Variants in ROBO2 observed in about 807,000 individuals in gnomAD.
ROBO2 encodes roundabout guidance receptor 2.
A neutral mutation model predicts 160.8 loss-of-function variants in ROBO2; 53 were observed. The ratio of observed to expected loss-of-function variants is 0.33; its 90% confidence interval spans 0.26 to 0.41. The LOEUF (loss-of-function observed/expected upper bound fraction) is 0.41. ROBO2 is among the 10% of genes least tolerant of loss of function. ROBO2 has a pLI of 1.00. For synonymous variants in ROBO2, 664 were observed against 611.7 expected, an observed-to-expected ratio of 1.09 and a Z score of -1.26; for missense variants, 1,577 against 1,722.4, an observed-to-expected ratio of 0.92 and a Z score of 1.49.
chr3:77,375,673 G>A (rs985966561), intron 2 of ROBO2, among the ~76,000 whole-genome samples: 2 of 152,152 alleles, frequency 1.3e-5, no homozygotes, highest in African/African-American at 4.8e-5. Context: ...ATGGGAAACA[G>A]GAGTATGTAA....
intron 2 of ROBO2, among the ~76,000 whole-genome samples, chr3:76,780,420 C>A (rs181210141): frequency 6.6e-6 from 1 of 150,726 alleles, no homozygotes; most frequent in Non-Finnish European, 1.5e-5. Flanking sequence ...TGTGTAGAAG[C>A]TTTTTAGTTT....
At chr3:76,364,537 A>G (rs2075701370) in intron 2 of ROBO2, among the ~76,000 whole-genome samples, 1 of 152,058 alleles carries the variant, frequency 6.6e-6, no homozygotes, top group Non-Finnish European at 1.5e-5. Flanking sequence ...TCCTTTCTTC[A>G]TCTCACATTT....
intron 1 of ROBO2, among the ~76,000 whole-genome samples, chr3:77,072,824 G>A (rs1559950062): frequency 6.6e-6 from 1 of 152,072 alleles, no homozygotes; most frequent in African/African-American, 2.4e-5. Flanking sequence ...GTGCTTTGTG[G>A]TTACGTCTTA....
At chr3:77,505,527 G>A (rs1341914214) in intron 5 of ROBO2, among the ~76,000 whole-genome samples, 1 of 151,976 alleles carries the variant, frequency 6.6e-6, no homozygotes, top group Admixed American at 6.6e-5. Flanking sequence ...CTGAATCCAA[G>A]GTAGAATTGA....
chr3:77,548,528 G>C (rs1258869884), intron 7 of ROBO2, among the ~76,000 whole-genome samples: 1 of 152,084 alleles, frequency 6.6e-6, no homozygotes, highest in South Asian at 2.1e-4. Context: ...TGAATTACAA[G>C]GTAGTGCATA....
At chr3:77,118,744 G>T (rs7619404) in intron 2 of ROBO2, among the ~76,000 whole-genome samples, 31,217 of 152,080 alleles carry the variant, frequency 0.21, 5,005 homozygotes, top group African/African-American at 0.44. Context: ...TTAACAACAG[G>T]GATATGTTTT....
intron 2 of ROBO2, among the ~76,000 whole-genome samples, chr3:76,215,816 A>G (rs1027459934): frequency 1.3e-5 from 2 of 152,152 alleles, no homozygotes; most frequent in Non-Finnish European, 2.9e-5. Flanking sequence ...AGAATGCCAC[A>G]AAGATAATCC....
intron 23 of ROBO2, chr3:77,633,393 T>A (rs1334966094): frequency 1.3e-5 from 2 of 152,192 alleles, no homozygotes; most frequent in Non-Finnish European, 2.9e-5. Flanking sequence ...TAATAATAGA[T>A]CAGTAATTTG....
chr3:77,330,780 G>T (rs988571521), intron 2 of ROBO2, among the ~76,000 whole-genome samples: 2 of 152,142 alleles, frequency 1.3e-5, no homozygotes, highest in African/African-American at 2.4e-5. Flanking sequence ...TATGCACTTT[G>T]CTTATTTATC....
intron 5 of ROBO2, among the ~76,000 whole-genome samples, chr3:77,497,120 T>A (rs1296227615): frequency 1.3e-5 from 2 of 151,878 alleles, no homozygotes; most frequent in Admixed American, 6.6e-5. Flanking sequence ...TGGAAAGGAG[T>A]CTACATTATA....
intron 2 of ROBO2, among the ~76,000 whole-genome samples, chr3:77,011,083 TTCTTTTTC>T (rs1320596910): frequency 3.5e-5 from 5 of 142,606 alleles, no homozygotes; most frequent in African/African-American, 1.1e-4. Context: ...CTTTCTTTCT[TTCTTTTTC>T]TTTCTATCTT....
chr3:76,789,217 T>G (rs1274762441), intron 2 of ROBO2, among the ~76,000 whole-genome samples: 1 of 151,524 alleles, frequency 6.6e-6, no homozygotes. Context: ...CTAGTATTTT[T>G]GAGTAGCTCA....
At chr3:77,371,299 A>G (rs2153476869) in intron 2 of ROBO2, among the ~76,000 whole-genome samples, 1 of 152,308 alleles carries the variant, frequency 6.6e-6, no homozygotes, top group African/African-American at 2.4e-5. Context: ...TGTCTCCTCT[A>G]CAAGTAGTGC....
intron 1 of ROBO2, among the ~76,000 whole-genome samples, chr3:77,044,947 T>C (rs925630424): frequency 2.0e-5 from 3 of 152,200 alleles, no homozygotes; most frequent in Admixed American, 6.5e-5. Context: ...GATATTGCTT[T>C]TCTCCTTCTT....
intron 2 of ROBO2, among the ~76,000 whole-genome samples, chr3:76,559,670 G>T (rs1312187875): frequency 6.6e-6 from 1 of 151,970 alleles, no homozygotes; most frequent in Non-Finnish European, 1.5e-5. Flanking sequence ...CCTATTCGAG[G>T]CCCAGTGACA....
chr3:76,464,269 T>C (rs1472917870), intron 2 of ROBO2, among the ~76,000 whole-genome samples: 1 of 152,152 alleles, frequency 6.6e-6, no homozygotes, highest in Non-Finnish European at 1.5e-5. Context: ...ACGAATAGTA[T>C]GTAGAGACTG....
chr3:76,427,622 G>T (rs1315604810), intron 2 of ROBO2, among the ~76,000 whole-genome samples: 1 of 152,140 alleles, frequency 6.6e-6, no homozygotes, highest in African/African-American at 2.4e-5. Context: ...ACTAAAAGAA[G>T]AAAGTGTTTT....
intron 1 of ROBO2, among the ~76,000 whole-genome samples, chr3:77,088,038 TCAGA>T (rs1219473299): frequency 6.6e-6 from 1 of 152,110 alleles, no homozygotes; most frequent in East Asian, 1.9e-4. Context: ...GCCCACTTGC[TCAGA>T]CAGTCAGTGG....
chr3:76,419,957 A>C (rs537220321), intron 2 of ROBO2, among the ~76,000 whole-genome samples: 1 of 152,262 alleles, frequency 6.6e-6, no homozygotes, highest in African/African-American at 2.4e-5. Flanking sequence ...TCAGTGTTTA[A>C]GTTAACTTTT....
Sources: gnomAD v4.1 joint callset for allele counts (sites outside exome capture counted in the v4.1 genomes callset) on GRCh38, gnomAD v4.1.1 for gene constraint, MANE v1.5 for transcripts, NCBI Gene and HGNC (gene_info 2026-07-23, HGNC 2026-07-21) for gene names.